The following CAMK1D variants were observed in gnomAD, a reference collection of about 807,000 sequenced individuals.
CAMK1D encodes the protein calcium/calmodulin dependent protein kinase ID.
CAMK1D carries 9 observed loss-of-function variants against 47.7 expected under a neutral mutation model. That is an observed-to-expected ratio of 0.19 (90% confidence interval 0.11 to 0.33). CAMK1D has a LOEUF of 0.33. CAMK1D is among the 10% of genes least tolerant of loss of function. CAMK1D has a pLI of 1.00. For missense variants in CAMK1D, 291 were observed against 488.7 expected (o/e 0.60, Z 3.81); for synonymous variants, 184 against 184.9 (o/e 0.99, Z 0.04).
intron 1 of CAMK1D, among the ~76,000 whole-genome samples, chr10:12,405,924 T>C (rs1209263113): frequency 6.6e-6 from 1 of 152,192 alleles, no homozygotes; most frequent in Non-Finnish European, 1.5e-5. Context: ...AATGGCGTTT[T>C]TATGTGAAGG....
intron 1 of CAMK1D, among the ~76,000 whole-genome samples, chr10:12,356,693 G>T (rs1837527204): frequency 7.8e-6 from 1 of 128,380 alleles, no homozygotes; most frequent in Non-Finnish European, 1.5e-5. Context: ...CTGCACTCCA[G>T]CCTGGGTGAC....
intron 3 of CAMK1D, among the ~76,000 whole-genome samples, chr10:12,704,059 C>CGTGTGT (rs138352151): frequency 6.6e-6 from 1 of 151,074 alleles, no homozygotes; most frequent in Non-Finnish European, 1.5e-5. Flanking sequence ...CTGTTTGAAA[C>CGTGTGT]GTGTGTGTGT....
intron 2 of CAMK1D, among the ~76,000 whole-genome samples, chr10:12,615,509 T>A (rs1250283171): frequency 1.3e-5 from 2 of 150,282 alleles, no homozygotes; most frequent in Non-Finnish European, 3.0e-5. Context: ...CATGTATAGT[T>A]ATGTGTGTGT....
At chr10:12,575,957 G>T (rs1369164651) in intron 2 of CAMK1D, among the ~76,000 whole-genome samples, 1 of 152,188 alleles carries the variant, frequency 6.6e-6, no homozygotes, top group East Asian at 1.9e-4. Flanking sequence ...AAAGAGCTCA[G>T]ATTTCTGCTC....
chr10:12,588,889 C>CGTGTGTGTGTGT (rs1191222767), intron 2 of CAMK1D, among the ~76,000 whole-genome samples: 2 of 147,352 alleles, frequency 1.4e-5, no homozygotes, highest in East Asian at 3.9e-4. Context: ...TGTGTGCGTG[C>CGTGTGTGTGTGT]GTGTGTGTGT....
chr10:12,623,498 T>TCC (rs1564452527), intron 2 of CAMK1D, among the ~76,000 whole-genome samples: 2 of 125,450 alleles, frequency 1.6e-5, no homozygotes, highest in African/African-American at 6.2e-5. Context: ...CTTCTTTCCT[T>TCC]TCTCCCTTCC....
intron 1 of CAMK1D, among the ~76,000 whole-genome samples, chr10:12,495,278 T>A (rs1031706790): frequency 6.6e-6 from 1 of 152,222 alleles, no homozygotes; most frequent in Non-Finnish European, 1.5e-5. Flanking sequence ...AAAAAAACTT[T>A]CAGATTCAGG....
rs367824034 is a variant in CAMK1D at position 12,719,506 on chromosome 10, G to A, written c.300-41442G>A. Among the ~76,000 whole-genome samples the A allele has an allele frequency of 1.4e-4, 22 of 152,288 alleles. 1 individual carries two copies. Among genetic ancestry groups the A allele is most frequent in the Admixed American group, 7.8e-4 (12 of 15,294 alleles). ...GGTCTCTTGTATCAAGAGAAATCTG[G>A]GAGGAAACACTTTCCTGGCGCCTGT... is the stretch of plus-strand genomic sequence containing the variant. On this transcript the variant is annotated intron_variant, in intron 3 of 10. Coordinates refer to ENST00000619168, the MANE Select transcript of CAMK1D (RefSeq NM_153498.4).
At chr10:12,702,961 T>C (rs973608355) in intron 3 of CAMK1D, among the ~76,000 whole-genome samples, 7 of 152,324 alleles carry the variant, frequency 4.6e-5, no homozygotes, top group African/African-American at 1.7e-4. Context: ...AGTGGGGATT[T>C]TATAATCATA....
intron 1 of CAMK1D, among the ~76,000 whole-genome samples, chr10:12,367,002 A>G (rs1193490159): frequency 6.6e-6 from 1 of 152,154 alleles, no homozygotes; most frequent in African/African-American, 2.4e-5. Context: ...CATGGTCCCC[A>G]TCTCTATCCT....
intron 3 of CAMK1D, among the ~76,000 whole-genome samples, chr10:12,725,602 T>C (rs150296084): frequency 0.013 from 1,923 of 152,320 alleles, 24 homozygotes; most frequent in Middle Eastern, 0.054. Flanking sequence ...CAATTACTAC[T>C]TTATTTTCTC....
intron 2 of CAMK1D, among the ~76,000 whole-genome samples, chr10:12,592,789 G>A (rs1838036678): frequency 6.6e-6 from 1 of 152,130 alleles, no homozygotes; most frequent in Admixed American, 6.5e-5. Context: ...TCATTATTAG[G>A]CAGAAATCCT....
chr10:12,711,279 G>A (rs751571272), intron 3 of CAMK1D, among the ~76,000 whole-genome samples: 6 of 152,140 alleles, frequency 3.9e-5, no homozygotes, highest in Non-Finnish European at 8.8e-5. Context: ...TGGAACGGGG[G>A]CGCCACCTGC....
intron 1 of CAMK1D, among the ~76,000 whole-genome samples, chr10:12,508,987 A>G (rs1414505620): frequency 6.6e-6 from 1 of 152,170 alleles, no homozygotes; most frequent in Non-Finnish European, 1.5e-5. Flanking sequence ...CCCGCTGGGA[A>G]GGACTGAGGA....
chr10:12,685,676 C>T (rs931749187), intron 3 of CAMK1D, among the ~76,000 whole-genome samples: 7 of 152,292 alleles, frequency 4.6e-5, no homozygotes, highest in African/African-American at 1.2e-4. Context: ...TAGGCCTTCT[C>T]GCTGGTGATT....
chr10:12,420,205 G>A (rs1023643166), intron 1 of CAMK1D, among the ~76,000 whole-genome samples: 9 of 152,258 alleles, frequency 5.9e-5, no homozygotes, highest in African/African-American at 2.2e-4. Context: ...TGATCTGTCC[G>A]TCTCGGCCTC....
intron 2 of CAMK1D, among the ~76,000 whole-genome samples, chr10:12,658,125 G>A (rs2132528933): frequency 6.6e-6 from 1 of 152,294 alleles, no homozygotes; most frequent in East Asian, 1.9e-4. Context: ...TCCAGCCTGG[G>A]TGACAGAATG....
intron 9 of CAMK1D, among the ~76,000 whole-genome samples, chr10:12,824,989 C>A (rs944579484): frequency 4.6e-5 from 7 of 152,100 alleles, no homozygotes; most frequent in Admixed American, 4.6e-4. Context: ...CTCTTGATTA[C>A]CTGACCTCCC....
At chr10:12,563,905 T>G (rs2132297080) in intron 2 of CAMK1D, among the ~76,000 whole-genome samples, 1 of 152,364 alleles carries the variant, frequency 6.6e-6, no homozygotes, top group East Asian at 1.9e-4. Context: ...CTCTGTCATC[T>G]AATGTGGATA....
Sources: gnomAD v4.1 joint callset for allele counts (sites outside exome capture counted in the v4.1 genomes callset) on GRCh38, gnomAD v4.1.1 for gene constraint, MANE v1.5 for transcripts, NCBI Gene and HGNC (gene_info 2026-07-23, HGNC 2026-07-21) for gene names.